FUT9: variants seen among roughly 807,000 people sequenced by gnomAD.
FUT9 encodes 4-galactosyl-N-acetylglucosaminide 3-alpha-L-fucosyltransferase 9.
In FUT9, 15 loss-of-function variants were observed where a neutral mutation model predicts 29.7. That is an observed-to-expected ratio of 0.51 (90% CI 0.34 to 0.78). FUT9 has a LOEUF of 0.78. FUT9 is among the 30% of genes least tolerant of loss of function. FUT9 has a pLI of 0.01. For synonymous variants in FUT9, 169 were observed against 153.7 expected (o/e 1.10, Z -0.74); for missense variants, 319 against 425.4 (o/e 0.75, Z 2.20).
intron 2 of FUT9, among the ~76,000 whole-genome samples, chr6:96,167,819 G>A (rs1021177752): frequency 7.2e-5 from 11 of 152,240 alleles, no homozygotes; most frequent in African/African-American, 2.2e-4. Context: ...TAGCTTGTAC[G>A]TGACCTAGGG....
chr6:96,168,496 G>T (rs1161645486), intron 2 of FUT9, among the ~76,000 whole-genome samples: 1 of 152,178 alleles, frequency 6.6e-6, no homozygotes, highest in African/African-American at 2.4e-5. Context: ...GACAAGGGAA[G>T]AAAGCAATCA....
chr6:96,030,222 A>G (rs902490436), intron 1 of FUT9, among the ~76,000 whole-genome samples: 1 of 151,652 alleles, frequency 6.6e-6, no homozygotes. Context: ...ATCATAAAGG[A>G]CTGATATGCA....
Position 96,182,914 on chromosome 6 carries a change from G to A in FUT9, c.-8-20234G>A, listed in dbSNP as rs531618961. 4.6e-5 allele frequency among the ~76,000 whole-genome samples: 7 copies of A among 152,012 alleles called. No homozygotes were observed. The East Asian group carries it at 1.2e-3, about 25-fold the overall frequency. On this transcript the variant is annotated intron_variant, in intron 2 of 2. Transcript: ENST00000302103. ...GTTCTTTTTGCTTAGTCTTGCTTCC[G>A]CTATGCAGACTCTTTTTTGGATTCA...
intron 2 of FUT9, among the ~76,000 whole-genome samples, chr6:96,157,135 G>T (rs970674020): frequency 6.6e-6 from 1 of 152,132 alleles, no homozygotes; most frequent in Non-Finnish European, 1.5e-5. Flanking sequence ...TGGCTAAAAA[G>T]GCTAACTAAG....
chr6:96,132,757 T>G (rs1370746760), intron 2 of FUT9, among the ~76,000 whole-genome samples: 1 of 152,104 alleles, frequency 6.6e-6, no homozygotes, highest in Non-Finnish European at 1.5e-5. Flanking sequence ...TAATTTGTGC[T>G]AAAATGTAAA....
At chr6:96,121,739 A>G (rs373665856) in intron 2 of FUT9, among the ~76,000 whole-genome samples, 1 of 152,120 alleles carries the variant, frequency 6.6e-6, no homozygotes, top group South Asian at 2.1e-4. Flanking sequence ...TACTCTAAAC[A>G]CAGTAGGATG....
chr6:96,132,699 TC>T (rs1344053654), intron 2 of FUT9, among the ~76,000 whole-genome samples: 1 of 152,170 alleles, frequency 6.6e-6, no homozygotes, highest in East Asian at 1.9e-4. Flanking sequence ...ACACATTCAT[TC>T]TTTATATGAG....
At chr6:96,024,608 C>T (rs566722609) in intron 1 of FUT9, among the ~76,000 whole-genome samples, 1 of 151,810 alleles carries the variant, frequency 6.6e-6, no homozygotes, top group African/African-American at 2.4e-5. Context: ...AGTCTTGGCT[C>T]ACACAATGGT....
At chr6:96,143,974 A>G (rs1772516424) in intron 2 of FUT9, among the ~76,000 whole-genome samples, 1 of 152,210 alleles carries the variant, frequency 6.6e-6, no homozygotes, top group African/African-American at 2.4e-5. Flanking sequence ...CAATTCAGCA[A>G]GTGAAGAGAT....
chr6:96,105,980 T>C lies in FUT9; in HGVS notation c.-97-8059T>C, dbSNP rs189857177. 1.6e-4 allele frequency among the ~76,000 whole-genome samples: 24 copies of C among 152,328 alleles called. No individual in the cohort carries two copies. The East Asian group carries it at 2.7e-3, about 17-fold the overall frequency. On this transcript the variant is annotated intron_variant, in intron 1 of 2. Transcript: ENST00000302103. Reference sequence around the variant, plus strand: ...GAGAACAAACCAGTGTATCCTAACTTTTCTGACATTAGTGATCTCTAGACT... The same window carrying C: ...GAGAACAAACCAGTGTATCCTAACTCTTCTGACATTAGTGATCTCTAGACT...
At chr6:96,195,917 T>C (rs1773616354) in intron 2 of FUT9, among the ~76,000 whole-genome samples, 1 of 152,180 alleles carries the variant, frequency 6.6e-6, no homozygotes, top group South Asian at 2.1e-4. Flanking sequence ...CATAAACAGA[T>C]TACTAATAGT....
chr6:96,079,174 G>A (rs1056791054), intron 1 of FUT9, among the ~76,000 whole-genome samples: 11 of 152,224 alleles, frequency 7.2e-5, no homozygotes, highest in South Asian at 2.1e-4. Context: ...ATTTTCAAAG[G>A]TGGGGAAGGG....
chr6:96,060,806 G>A (rs1770860588), intron 1 of FUT9, among the ~76,000 whole-genome samples: 1 of 152,126 alleles, frequency 6.6e-6, no homozygotes, highest in Admixed American at 6.5e-5. Context: ...CCAAAGTGCT[G>A]GGATTACAGG....
intron 1 of FUT9, among the ~76,000 whole-genome samples, chr6:96,048,751 G>A (rs77777041): frequency 0.022 from 3,391 of 152,236 alleles, 64 homozygotes; most frequent in East Asian, 0.08. Flanking sequence ...TCCTGGACAC[G>A]TCCTAAGTGC....
intron 2 of FUT9, among the ~76,000 whole-genome samples, chr6:96,136,430 G>A (rs531363720): frequency 1.3e-5 from 2 of 151,926 alleles, no homozygotes; most frequent in South Asian, 4.2e-4. Flanking sequence ...TAAAAGTTTT[G>A]ACTTAATTTT....
intron 1 of FUT9, among the ~76,000 whole-genome samples, chr6:96,099,447 C>A (rs546745248): frequency 3.3e-5 from 5 of 152,080 alleles, no homozygotes; most frequent in Admixed American, 1.3e-4. Context: ...TATATGTAAC[C>A]TTTTGTATTT....
At chr6:96,146,590 T>A (rs1053067652) in intron 2 of FUT9, among the ~76,000 whole-genome samples, 6 of 152,226 alleles carry the variant, frequency 3.9e-5, no homozygotes, top group Non-Finnish European at 7.3e-5. Context: ...CTTTTCCTTT[T>A]TAGAACTACA....
chr6:96,066,638 T>C (rs1770966304), intron 1 of FUT9, among the ~76,000 whole-genome samples: 1 of 152,094 alleles, frequency 6.6e-6, no homozygotes, highest in African/African-American at 2.4e-5. Context: ...CTTAAAGCAA[T>C]AGGACCATAG....
intron 2 of FUT9, among the ~76,000 whole-genome samples, chr6:96,150,305 G>A (rs924602432): frequency 6.6e-6 from 1 of 152,168 alleles, no homozygotes; most frequent in East Asian, 1.9e-4. Flanking sequence ...ATTTTTGATA[G>A]ACCTGGACTT....
Sources: gnomAD v4.1 joint callset for allele counts (sites outside exome capture counted in the v4.1 genomes callset) on GRCh38, gnomAD v4.1.1 for gene constraint, MANE v1.5 for transcripts, NCBI Gene and HGNC (gene_info 2026-07-23, HGNC 2026-07-21) for gene names.